Variants in TRIQK observed in about 807,000 individuals in gnomAD.
TRIQK encodes triple QxxK/R motif-containing protein.
TRIQK carries 10 observed loss-of-function variants against 10.8 expected under a neutral mutation model. The observed-to-expected ratio is 0.92, with a 90% CI of 0.57 to 1.57. TRIQK has a LOEUF of 1.57. TRIQK is among the 40% of genes most tolerant of loss of function. TRIQK has a pLI of 0.00. For missense variants in TRIQK, 107 were observed against 97.7 expected (o/e 1.09, Z -0.40); for synonymous variants, 33 against 33.7 (o/e 0.98, Z 0.07).
At chr8:92,938,401 C>T (rs538080591) in intron 2 of TRIQK, among the ~76,000 whole-genome samples, 143 of 152,142 alleles carry the variant, frequency 9.4e-4, no homozygotes, top group African/African-American at 3.2e-3. Context: ...TTATATTCCT[C>T]ACCCATACTT....
At chr8:93,009,668 C>A (rs749535545) in intron 1 of TRIQK, among the ~76,000 whole-genome samples, 1 of 151,670 alleles carries the variant, frequency 6.6e-6, no homozygotes. Context: ...AGAACCCTTA[C>A]ACAGGCTATT....
At position 92,884,598 on chromosome 8, in the gene TRIQK, C is replaced by A; in HGVS notation, c.*2024G>T. 9.4e-6 allele frequency: 3 copies of A among 319,108 alleles called. No homozygotes were observed. Among genetic ancestry groups the A allele is most frequent in the Non-Finnish European group, 1.2e-5 (2 of 161,294 alleles). 19.8% of individuals were successfully genotyped at this position (319,108 alleles called of 1,614,324 possible). A position where few individuals can be genotyped will look rare whatever the true frequency, so the allele number is the denominator to read the frequency against. On this transcript the variant is annotated 3_prime_UTR_variant, in exon 5 of 5. Transcript: ENST00000521988. The stretch of plus-strand genomic sequence containing the variant: ...CCCAAAAAATACCTCAAGGGTAAAA[C>A]AGAATGGTAAAGTTTTTTTCAGGAT...
At chr8:93,012,237 T>G (rs1035978249) in intron 1 of TRIQK, among the ~76,000 whole-genome samples, 3 of 152,192 alleles carry the variant, frequency 2.0e-5, no homozygotes, top group South Asian at 2.1e-4. Flanking sequence ...TTTGTTCAGC[T>G]TTTTCTTTTT....
chr8:92,917,667 A>T (rs1459591447), intron 2 of TRIQK, among the ~76,000 whole-genome samples: 1 of 152,042 alleles, frequency 6.6e-6, no homozygotes, highest in African/African-American at 2.4e-5. Flanking sequence ...GTATACAATG[A>T]GTAATGACCA....
chr8:92,933,032 G>A (rs1310955223), intron 2 of TRIQK, among the ~76,000 whole-genome samples: 1 of 151,954 alleles, frequency 6.6e-6, no homozygotes, highest in Non-Finnish European at 1.5e-5. Context: ...ATGTTTTTTA[G>A]AAAGCAAGAT....
intron 1 of TRIQK, among the ~76,000 whole-genome samples, chr8:93,010,853 G>T (rs1005664070): frequency 6.6e-6 from 1 of 152,084 alleles, no homozygotes; most frequent in Non-Finnish European, 1.5e-5. Context: ...ATACTTAATT[G>T]TACACATATA....
chr8:92,905,339 C>G (rs961011980), intron 3 of TRIQK, among the ~76,000 whole-genome samples: 22 of 151,996 alleles, frequency 1.4e-4, no homozygotes, highest in African/African-American at 5.3e-4. Context: ...ACAATATATA[C>G]AACATGATTT....
At chr8:92,933,722 AT>A (rs970169640) in intron 2 of TRIQK, among the ~76,000 whole-genome samples, 3 of 152,176 alleles carry the variant, frequency 2.0e-5, no homozygotes, top group Admixed American at 2.0e-4. Context: ...ACATTTAAAA[AT>A]ATAGCTTGTC....
intron 1 of TRIQK, among the ~76,000 whole-genome samples, chr8:93,015,906 A>T (rs1412985189): frequency 2.0e-5 from 3 of 151,866 alleles, no homozygotes; most frequent in Non-Finnish European, 4.4e-5. Context: ...TTCTCCACAA[A>T]ACACCTTGTG....
intron 3 of TRIQK, among the ~76,000 whole-genome samples, chr8:92,893,760 T>C (rs1050624714): frequency 2.0e-5 from 3 of 151,468 alleles, no homozygotes; most frequent in Admixed American, 6.6e-5. Context: ...ACAAGAATTC[T>C]GAAAGATATT....
chr8:92,993,394 G>A (rs183062895), intron 1 of TRIQK, among the ~76,000 whole-genome samples: 5 of 152,254 alleles, frequency 3.3e-5, no homozygotes, highest in Admixed American at 6.5e-5. Flanking sequence ...GAGATGGTCA[G>A]TGAAACAAGG....
At chr8:92,933,280 G>A (rs1054577940) in intron 2 of TRIQK, among the ~76,000 whole-genome samples, 3 of 151,834 alleles carry the variant, frequency 2.0e-5, no homozygotes, top group Non-Finnish European at 4.4e-5. Context: ...TTAATTTTTT[G>A]TATAATATTT....
chr8:93,003,874 C>A (rs1180289256), intron 1 of TRIQK, among the ~76,000 whole-genome samples: 1 of 152,226 alleles, frequency 6.6e-6, no homozygotes, highest in Non-Finnish European at 1.5e-5. Flanking sequence ...AAATAATCTC[C>A]TCTGACTGTA....
At chr8:92,957,554 T>C (rs917088596) in intron 1 of TRIQK, among the ~76,000 whole-genome samples, 1 of 151,932 alleles carries the variant, frequency 6.6e-6, no homozygotes, top group African/African-American at 2.4e-5. Flanking sequence ...TTAATTTTAG[T>C]AGAAGAAATG....
chr8:92,924,150 A>G (rs62520790), intron 2 of TRIQK, among the ~76,000 whole-genome samples: 9,113 of 152,110 alleles, frequency 0.06, 501 homozygotes, highest in African/African-American at 0.15. Context: ...TGGCTGCATC[A>G]AAGTTGAGAA....
chr8:92,938,066 T>C (rs1411102043), intron 2 of TRIQK, among the ~76,000 whole-genome samples: 5 of 151,998 alleles, frequency 3.3e-5, no homozygotes, highest in Non-Finnish European at 7.4e-5. Context: ...TCTCAGCTTT[T>C]GTTTAGAGAC....
At chr8:92,979,020 T>A (rs1354206639) in intron 1 of TRIQK, among the ~76,000 whole-genome samples, 1 of 152,106 alleles carries the variant, frequency 6.6e-6, no homozygotes, top group Non-Finnish European at 1.5e-5. Flanking sequence ...ATGTCAAAAA[T>A]CTGTGGGTCA....
intron 3 of TRIQK, among the ~76,000 whole-genome samples, chr8:92,913,034 T>A (rs1045648981): frequency 2.0e-5 from 3 of 152,098 alleles, no homozygotes; most frequent in Non-Finnish European, 4.4e-5. Flanking sequence ...TATTCTCTTA[T>A]GAACATAAAA....
At chr8:93,015,662 G>C (rs1813378470) in intron 1 of TRIQK, among the ~76,000 whole-genome samples, 1 of 151,924 alleles carries the variant, frequency 6.6e-6, no homozygotes, top group South Asian at 2.1e-4. Flanking sequence ...AATGTACATG[G>C]AATGAAAATT....
Sources: allele counts gnomAD v4.1 joint callset (sites outside exome capture counted in the v4.1 genomes callset), GRCh38; gene constraint gnomAD v4.1.1; transcripts MANE v1.5; gene names NCBI Gene and HGNC (gene_info 2026-07-23, HGNC 2026-07-21).